PPFIA2: variants seen among roughly 807,000 people sequenced by gnomAD.
The protein encoded by PPFIA2 is liprin-alpha-2.
In PPFIA2, 46 loss-of-function variants were observed where a neutral mutation model predicts 175.5. The ratio of observed to expected loss-of-function variants is 0.26; its 90% CI spans 0.21 to 0.34. PPFIA2 has a LOEUF of 0.34. PPFIA2 is among the 10% of genes least tolerant of loss of function. PPFIA2 has a pLI of 1.00. For synonymous variants in PPFIA2, 568 were observed against 511.4 expected, an observed-to-expected ratio of 1.11 and a Z score of -1.49; for missense variants, 1,179 against 1,506.1, an observed-to-expected ratio of 0.78 and a Z score of 3.60.
chr12:81,742,174 G>A lies in PPFIA2; in HGVS notation c.249+11799C>T, dbSNP rs527810036. On this transcript the variant is annotated intron_variant, in intron 3 of 32. Transcript: ENST00000549396. ...GGAATTGCAAATGTTAACATTGTAG[G>A]CCTGGTTAAAGACCTAGGCTTTTCC... Among the ~76,000 whole-genome samples the A allele has an allele frequency of 1.2e-4, 18 of 152,278 alleles. No homozygotes were observed. The East Asian group carries it at 2.7e-3, about 23-fold the overall frequency.
At chr12:81,441,768 A>C (rs1052815524) in intron 6 of PPFIA2, among the ~76,000 whole-genome samples, 3 of 152,122 alleles carry the variant, frequency 2.0e-5, no homozygotes, top group Non-Finnish European at 4.4e-5. Flanking sequence ...ATATTCTAAA[A>C]TACCAACTGT....
At chr12:81,476,780 T>C (rs963320985) in intron 4 of PPFIA2, among the ~76,000 whole-genome samples, 6 of 152,234 alleles carry the variant, frequency 3.9e-5, no homozygotes, top group Middle Eastern at 3.4e-3. Context: ...TGCAGCAGTA[T>C]TCACAACAGC....
intron 7 of PPFIA2, among the ~76,000 whole-genome samples, chr12:81,438,114 G>A (rs889619467): frequency 6.6e-6 from 1 of 152,074 alleles, no homozygotes; most frequent in African/African-American, 2.4e-5. Context: ...AGGTTAAATT[G>A]TTATGGCTGG....
At chr12:81,456,178 A>G (rs1480747463) in intron 5 of PPFIA2, among the ~76,000 whole-genome samples, 6 of 152,226 alleles carry the variant, frequency 3.9e-5, no homozygotes, top group Non-Finnish European at 7.3e-5. Flanking sequence ...ATGTCATGGT[A>G]TAAATAAATT....
chr12:81,689,600 A>G (rs2074971435), intron 3 of PPFIA2, among the ~76,000 whole-genome samples: 2 of 152,034 alleles, frequency 1.3e-5, no homozygotes, highest in Admixed American at 6.6e-5. Flanking sequence ...ATCATAGAAC[A>G]TTCTATAGTC....
chr12:81,711,111 C>G (rs938831810), intron 3 of PPFIA2, among the ~76,000 whole-genome samples: 3 of 150,976 alleles, frequency 2.0e-5, no homozygotes, highest in African/African-American at 7.3e-5. Context: ...ATCTGTGGTC[C>G]CAGTGACTTG....
chr12:81,723,818 C>T (rs529187740), intron 3 of PPFIA2, among the ~76,000 whole-genome samples: 14 of 150,898 alleles, frequency 9.3e-5, no homozygotes, highest in Non-Finnish European at 1.9e-4. Context: ...CTTTAAGTTG[C>T]TTTATATCTG....
chr12:81,548,429 A>AGATTCT (rs1449823872), intron 4 of PPFIA2, among the ~76,000 whole-genome samples: 2 of 152,130 alleles, frequency 1.3e-5, no homozygotes, highest in African/African-American at 4.8e-5. Context: ...TTTCACATCA[A>AGATTCT]GATTCTGATT....
intron 22 of PPFIA2, among the ~76,000 whole-genome samples, chr12:81,322,697 A>G (rs1469968060): frequency 6.6e-6 from 1 of 152,204 alleles, no homozygotes. Flanking sequence ...CAAACTAGGC[A>G]GAGCAACAAT....
At chr12:81,650,695 A>G (rs1020889130) in intron 4 of PPFIA2, among the ~76,000 whole-genome samples, 5 of 152,206 alleles carry the variant, frequency 3.3e-5, no homozygotes, top group African/African-American at 7.2e-5. Context: ...TCAAATAATC[A>G]ATTTTTTCCT....
chr12:81,360,644 C>A (rs534086096), intron 15 of PPFIA2, among the ~76,000 whole-genome samples: 3 of 151,772 alleles, frequency 2.0e-5, no homozygotes, highest in African/African-American at 7.2e-5. Flanking sequence ...CCTATTAGAT[C>A]AAAACTTAGT....
At chr12:81,666,938 T>C (rs1204659574) in intron 4 of PPFIA2, among the ~76,000 whole-genome samples, 1 of 152,074 alleles carries the variant, frequency 6.6e-6, no homozygotes. Flanking sequence ...GAAATTGAAA[T>C]CAAAGGTTTA....
chr12:81,720,774 G>T (rs2079209318), intron 3 of PPFIA2, among the ~76,000 whole-genome samples: 1 of 151,110 alleles, frequency 6.6e-6, no homozygotes. Flanking sequence ...TAACTATTGG[G>T]TTTCCTTTTT....
chr12:81,747,651 A>G (rs1470961572), intron 3 of PPFIA2, among the ~76,000 whole-genome samples: 1 of 142,988 alleles, frequency 7.0e-6, no homozygotes, highest in Non-Finnish European at 1.6e-5. Context: ...GTTCCTCATA[A>G]CGATCTTATG....
chr12:81,342,346 C>T (rs549187856), intron 19 of PPFIA2, among the ~76,000 whole-genome samples: 1 of 152,030 alleles, frequency 6.6e-6, no homozygotes, highest in Admixed American at 6.6e-5. Context: ...CTTTAGAGTT[C>T]TGATGAAAAA....
At chr12:81,393,034 G>C (rs1368749875) in intron 8 of PPFIA2, among the ~76,000 whole-genome samples, 1 of 151,956 alleles carries the variant, frequency 6.6e-6, no homozygotes. Context: ...TCTTGTAACT[G>C]GTTCTTTTTT....
chr12:81,522,583 A>T (rs183123603), intron 4 of PPFIA2, among the ~76,000 whole-genome samples: 1 of 152,226 alleles, frequency 6.6e-6, no homozygotes, highest in Non-Finnish European at 1.5e-5. Context: ...GCTCAGTGCT[A>T]TAATTCATCC....
chr12:81,487,139 G>T (rs1314769463), intron 4 of PPFIA2, among the ~76,000 whole-genome samples: 1 of 151,854 alleles, frequency 6.6e-6, no homozygotes, highest in African/African-American at 2.4e-5. Context: ...ACCTCAATTT[G>T]CCTTGACTGG....
chr12:81,611,080 T>C (rs2060853729), intron 4 of PPFIA2, among the ~76,000 whole-genome samples: 1 of 152,094 alleles, frequency 6.6e-6, no homozygotes, highest in South Asian at 2.1e-4. Flanking sequence ...AGTCCCTGAC[T>C]CTTCTACTTC....
Sources: gnomAD v4.1 joint callset for allele counts (sites outside exome capture counted in the v4.1 genomes callset) on GRCh38, gnomAD v4.1.1 for gene constraint, MANE v1.5 for transcripts, NCBI Gene and HGNC (gene_info 2026-07-23, HGNC 2026-07-21) for gene names.